Variants in KANSL1 observed in about 807,000 individuals in gnomAD.
KANSL1 encodes KAT8 regulatory NSL complex subunit 1, also known as MLL1/MLL complex subunit KANSL1.
Under a neutral mutation model 103.6 loss-of-function variants are expected in KANSL1, and 22 were observed. That is an observed-to-expected ratio of 0.21 (90% CI 0.15 to 0.30). The LOEUF (loss-of-function observed/expected upper bound fraction) is 0.30. Among genes scored for constraint, KANSL1 ranks in the 10% least tolerant of loss-of-function variants. The pLI is 1.00. For missense variants in KANSL1, 1,337 were observed against 1,399.8 expected (o/e 0.96, Z 0.72); for synonymous variants, 600 against 527.6 (o/e 1.14, Z -1.88).
At chr17:46,144,636 T>TC (rs1173697132) in intron 2 of KANSL1, among the ~76,000 whole-genome samples, 28 of 151,486 alleles carry the variant, frequency 1.8e-4, no homozygotes. Flanking sequence ...ATTAGAGACA[T>TC]CCCCCTTCAC....
At chr17:46,218,541 G>C (rs963808432) in intron 1 of KANSL1, among the ~76,000 whole-genome samples, 3 of 152,224 alleles carry the variant, frequency 2.0e-5, no homozygotes, top group Non-Finnish European at 4.4e-5. Flanking sequence ...CCAGCACTTT[G>C]GGAGGCCAAG....
intron 6 of KANSL1, among the ~76,000 whole-genome samples, chr17:46,052,532 G>A (rs2077745694): frequency 6.6e-6 from 1 of 151,952 alleles, no homozygotes; most frequent in Non-Finnish European, 1.5e-5. Flanking sequence ...TTGAATCTGG[G>A]AGGCAGAGGT....
At chr17:46,184,193 A>AG (rs1198492294) in intron 1 of KANSL1, among the ~76,000 whole-genome samples, 1 of 152,258 alleles carries the variant, frequency 6.6e-6, no homozygotes, top group Admixed American at 6.5e-5. Flanking sequence ...TTTCACCTGA[A>AG]GGGGTCAAGG....
intron 2 of KANSL1, among the ~76,000 whole-genome samples, chr17:46,146,063 T>G (rs1230865902): frequency 1.3e-5 from 2 of 152,230 alleles, no homozygotes; most frequent in Non-Finnish European, 2.9e-5. Flanking sequence ...TTACTCATTC[T>G]TTTGTTCTCT....
At chr17:46,077,708 C>G (rs2078834423) in intron 4 of KANSL1, among the ~76,000 whole-genome samples, 1 of 152,102 alleles carries the variant, frequency 6.6e-6, no homozygotes, top group Non-Finnish European at 1.5e-5. Context: ...CAGGTGTCTG[C>G]CACCACGCTT....
At chr17:46,146,832 C>CAAAAAAAA (rs1023164178) in intron 2 of KANSL1, among the ~76,000 whole-genome samples, 1 of 37,314 alleles carries the variant, frequency 2.7e-5, no homozygotes, top group Non-Finnish European at 6.1e-5. Flanking sequence ...GACTCCGTCT[C>CAAAAAAAA]AAAAAAAAAA....
At chr17:46,158,398 C>T (rs991502929) in intron 2 of KANSL1, among the ~76,000 whole-genome samples, 2 of 149,622 alleles carry the variant, frequency 1.3e-5, no homozygotes, top group Admixed American at 6.7e-5. Flanking sequence ...CTCGCTCAGT[C>T]GCCCAGCTGG....
At position 46,122,708 on chromosome 17, in the gene KANSL1, T is replaced by C. The variant is rs1056813748; in HGVS notation, c.1290-28007A>G. ...ACAGCGTGCACTCACTTCATGTCCA[T>C]GTGACACATTTGGGTAATTCTCACA... On this transcript the variant is annotated intron_variant, in intron 2 of 14. Coordinates refer to ENST00000432791, the MANE Select transcript of KANSL1 (RefSeq NM_015443.4). Among the ~76,000 whole-genome samples, 8 of 152,384 alleles carry C rather than the reference T, an allele frequency of 5.2e-5. No homozygotes were observed. In the South Asian group the frequency reaches 1.2e-3, roughly 24 times the overall value.
At chr17:46,191,271 G>T (rs1488079568) in intron 1 of KANSL1, among the ~76,000 whole-genome samples, 1 of 152,208 alleles carries the variant, frequency 6.6e-6, no homozygotes. Context: ...CTTAGCATTA[G>T]GCACAAAACA....
At chr17:46,219,250 T>TTAAA (rs71262051) in intron 1 of KANSL1, among the ~76,000 whole-genome samples, 18 of 135,306 alleles carry the variant, frequency 1.3e-4, no homozygotes, top group Non-Finnish European at 1.7e-4. Flanking sequence ...TCTTGTCTCA[T>TTAAA]AAAAAAAAAA....
At chr17:46,123,740 C>T (rs556889243) in intron 2 of KANSL1, among the ~76,000 whole-genome samples, 5 of 152,320 alleles carry the variant, frequency 3.3e-5, no homozygotes, top group African/African-American at 1.2e-4. Context: ...ATGACGGAGG[C>T]TGCTTTACGA....
chr17:46,201,522 G>A (rs2047803840), intron 1 of KANSL1, among the ~76,000 whole-genome samples: 1 of 152,034 alleles, frequency 6.6e-6, no homozygotes, highest in African/African-American at 2.4e-5. Flanking sequence ...TGCTTCTGAT[G>A]GTTCTCTGAA....
chr17:46,202,692 T>C (rs1383252958), intron 1 of KANSL1, among the ~76,000 whole-genome samples: 1 of 152,232 alleles, frequency 6.6e-6, no homozygotes, highest in Non-Finnish European at 1.5e-5. Flanking sequence ...TCCTGTCTTA[T>C]CTCTGTAACT....
At chr17:46,042,795 A>G (rs2077371700) in intron 7 of KANSL1, 1 of 151,574 alleles carries the variant, frequency 6.6e-6, no homozygotes, top group Admixed American at 6.6e-5. Flanking sequence ...GGGAAAAAAA[A>G]AAAAAAAAAA....
At chr17:46,095,196 G>T (rs1036936012) in intron 2 of KANSL1, among the ~76,000 whole-genome samples, 1 of 152,008 alleles carries the variant, frequency 6.6e-6, no homozygotes, top group East Asian at 1.9e-4. Context: ...AGAAAATAAC[G>T]CCTGAAAGCA....
chr17:46,177,548 T>C (rs1314021674), intron 1 of KANSL1, among the ~76,000 whole-genome samples: 1 of 152,250 alleles, frequency 6.6e-6, no homozygotes, highest in African/African-American at 2.4e-5. Flanking sequence ...CATAGAAAAG[T>C]GCTTGCTTCA....
intron 2 of KANSL1, among the ~76,000 whole-genome samples, chr17:46,155,705 A>G (rs182277124): frequency 6.6e-6 from 1 of 152,268 alleles, no homozygotes; most frequent in East Asian, 1.9e-4. Context: ...TTTTGGAAAA[A>G]CCACATAAAC....
chr17:46,215,948 G>C (rs1313320198), intron 1 of KANSL1, among the ~76,000 whole-genome samples: 1 of 152,176 alleles, frequency 6.6e-6, no homozygotes, highest in Non-Finnish European at 1.5e-5. Flanking sequence ...GCTGAGGCAA[G>C]AGAGTCGCTG....
chr17:46,175,728 G>A (rs1437880110), intron 1 of KANSL1, among the ~76,000 whole-genome samples: 1 of 152,160 alleles, frequency 6.6e-6, no homozygotes. Context: ...TAGATTTTCA[G>A]GGCTTATGTA....
Sources: allele counts gnomAD v4.1 joint callset (sites outside exome capture counted in the v4.1 genomes callset), GRCh38; gene constraint gnomAD v4.1.1; transcripts MANE v1.5; gene names NCBI Gene and HGNC (gene_info 2026-07-23, HGNC 2026-07-21).